Variants in KCNIP4 observed in about 807,000 individuals in gnomAD.
KCNIP4 encodes the protein potassium voltage-gated channel interacting protein 4, also known as Kv channel-interacting protein 4.
In KCNIP4, 12 loss-of-function variants were observed where a neutral mutation model predicts 34.0. That is an observed-to-expected ratio of 0.35 (90% CI 0.23 to 0.57). The LOEUF (loss-of-function observed/expected upper bound fraction) is 0.57, where lower values mean the gene tolerates loss of function less well. Among genes scored for constraint, KCNIP4 ranks in the 20% least tolerant of loss-of-function variants. The pLI is 0.83. For synonymous variants in KCNIP4, 124 were observed against 102.2 expected (o/e 1.21, Z -1.29); for missense variants, 238 against 311.7 (o/e 0.76, Z 1.78).
At chr4:20,733,084 T>C (rs572800515) in intron 6 of KCNIP4, among the ~76,000 whole-genome samples, 1 of 152,214 alleles carries the variant, frequency 6.6e-6, no homozygotes, top group Admixed American at 6.5e-5. Flanking sequence ...TGGATTTCTA[T>C]AGACTTTAAG....
intron 1 of KCNIP4, among the ~76,000 whole-genome samples, chr4:21,660,958 T>A (rs2108989499): frequency 6.6e-6 from 1 of 152,224 alleles, no homozygotes; most frequent in African/African-American, 2.4e-5. Flanking sequence ...GCATTCCTGT[T>A]TTCGTGCCCA....
chr4:21,308,045 A>G (rs1325146274), intron 1 of KCNIP4, among the ~76,000 whole-genome samples: 1 of 152,242 alleles, frequency 6.6e-6, no homozygotes, highest in Non-Finnish European at 1.5e-5. Flanking sequence ...AAGTAAAGTT[A>G]CTTAACTACA....
chr4:21,283,790 T>C (rs1762931913), intron 1 of KCNIP4, among the ~76,000 whole-genome samples: 1 of 151,016 alleles, frequency 6.6e-6, no homozygotes, highest in South Asian at 2.1e-4. Flanking sequence ...CCCTAAAGCT[T>C]AAAGTATAAT....
At chr4:21,120,107 C>T (rs1298158828) in intron 1 of KCNIP4, among the ~76,000 whole-genome samples, 2 of 152,122 alleles carry the variant, frequency 1.3e-5, no homozygotes, top group Admixed American at 6.5e-5. Context: ...GGGGAGGGTA[C>T]TTGGCCCATG....
At chr4:21,405,956 C>A (rs966125255) in intron 1 of KCNIP4, among the ~76,000 whole-genome samples, 20 of 152,214 alleles carry the variant, frequency 1.3e-4, no homozygotes, top group African/African-American at 4.8e-4. Context: ...CTGCCTCAGC[C>A]TCTTGAGTAG....
At chr4:21,426,842 T>G (rs867553485) in intron 1 of KCNIP4, among the ~76,000 whole-genome samples, 32 of 152,170 alleles carry the variant, frequency 2.1e-4, no homozygotes, top group African/African-American at 7.5e-4. Context: ...ACACTTAACT[T>G]CTGTAAAATC....
intron 1 of KCNIP4, among the ~76,000 whole-genome samples, chr4:21,759,479 G>T (rs1242913379): frequency 6.6e-6 from 1 of 152,110 alleles, no homozygotes; most frequent in African/African-American, 2.4e-5. Flanking sequence ...GCAGGACATA[G>T]AAATCTTTGT....
At chr4:21,821,777 G>A (rs1205297054) in intron 1 of KCNIP4, among the ~76,000 whole-genome samples, 1 of 152,030 alleles carries the variant, frequency 6.6e-6, no homozygotes, top group Non-Finnish European at 1.5e-5. Flanking sequence ...TTCTATATTT[G>A]TAATAAACTT....
At chr4:21,696,105 C>A (rs367669846) in intron 1 of KCNIP4, among the ~76,000 whole-genome samples, 1 of 152,004 alleles carries the variant, frequency 6.6e-6, no homozygotes, top group Non-Finnish European at 1.5e-5. Context: ...GATTAAAATG[C>A]GGATATTAAC....
At chr4:20,987,433 A>C (rs577235433) in intron 1 of KCNIP4, among the ~76,000 whole-genome samples, 1 of 152,110 alleles carries the variant, frequency 6.6e-6, no homozygotes. Flanking sequence ...CCAAAGGTAC[A>C]CTAAAGGCTT....
chr4:21,596,614 T>C (rs1345259059), intron 1 of KCNIP4, among the ~76,000 whole-genome samples: 1 of 152,124 alleles, frequency 6.6e-6, no homozygotes, highest in African/African-American at 2.4e-5. Context: ...AAAACAAAGC[T>C]TGCCTCCACC....
chr4:21,359,141 A>G (rs1324054622), intron 1 of KCNIP4, among the ~76,000 whole-genome samples: 1 of 152,062 alleles, frequency 6.6e-6, no homozygotes, highest in Non-Finnish European at 1.5e-5. Context: ...GCTCTTCCCA[A>G]TTTGAGTGGG....
chr4:20,827,808 CAAA>C (rs11295104), intron 3 of KCNIP4, among the ~76,000 whole-genome samples: 209 of 142,568 alleles, frequency 1.5e-3, no homozygotes, highest in Middle Eastern at 3.6e-3. Context: ...CCATCCCCCT[CAAA>C]AAAAAAAAAA....
intron 1 of KCNIP4, among the ~76,000 whole-genome samples, chr4:21,225,042 C>CT (rs1758277311): frequency 1.3e-5 from 2 of 152,102 alleles, no homozygotes; most frequent in African/African-American, 4.8e-5. Flanking sequence ...GTGTTCTGAG[C>CT]ATGTTTAAGG....
intron 1 of KCNIP4, among the ~76,000 whole-genome samples, chr4:21,025,541 C>CTTTTT (rs1740456779): frequency 3.1e-5 from 1 of 32,054 alleles, no homozygotes; most frequent in East Asian, 7.9e-4. Flanking sequence ...CTCATTGATA[C>CTTTTT]TGTTTTTTTT....
chr4:21,224,578 GTT>G (rs765906146), intron 1 of KCNIP4, among the ~76,000 whole-genome samples: 19 of 44,892 alleles, frequency 4.2e-4, no homozygotes, highest in South Asian at 1.9e-3. Context: ...TTTTTCAACT[GTT>G]TTTTTTTTTT....
chr4:21,757,864 G>A (rs1717767905), intron 1 of KCNIP4, among the ~76,000 whole-genome samples: 1 of 152,128 alleles, frequency 6.6e-6, no homozygotes, highest in South Asian at 2.1e-4. Flanking sequence ...GTAGCCACAG[G>A]TGAGCTGAGT....
intron 1 of KCNIP4, among the ~76,000 whole-genome samples, chr4:21,355,237 A>ATCC (rs1718453445): frequency 6.6e-6 from 1 of 152,202 alleles, no homozygotes; most frequent in Admixed American, 6.5e-5. Context: ...TCACAATTAA[A>ATCC]ATAACTAGAG....
At chr4:20,769,482 TGTA>T (rs1755689380) in intron 3 of KCNIP4, among the ~76,000 whole-genome samples, 1 of 152,100 alleles carries the variant, frequency 6.6e-6, no homozygotes, top group African/African-American at 2.4e-5. Flanking sequence ...AAAATTATGA[TGTA>T]GTGAAATTCT....
Sources: gnomAD v4.1 joint callset for allele counts (sites outside exome capture counted in the v4.1 genomes callset) on GRCh38, gnomAD v4.1.1 for gene constraint, MANE v1.5 for transcripts, NCBI Gene and HGNC (gene_info 2026-07-23, HGNC 2026-07-21) for gene names.